Variants in ZC3H12B observed in about 807,000 individuals in gnomAD.
ZC3H12B encodes the protein zinc finger CCCH-type containing 12B.
A neutral mutation model predicts 43.9 loss-of-function variants in ZC3H12B; 7 were observed. That is an observed-to-expected ratio of 0.16 (90% CI 0.09 to 0.30). ZC3H12B has a LOEUF of 0.30. ZC3H12B is among the 10% of genes least tolerant of loss of function. The pLI, the probability that ZC3H12B is intolerant of heterozygous loss-of-function variation, is 1.00. For synonymous variants in ZC3H12B, 222 were observed against 241.7 expected (o/e 0.92, Z 0.76); for missense variants, 475 against 670.2 (o/e 0.71, Z 3.22).
At chrX:65,368,500 T>C (rs1287783031) in intron 1 of ZC3H12B, among the ~76,000 whole-genome samples, 1 of 112,004 alleles carries the variant, frequency 8.9e-6, no homozygotes, top group Admixed American at 9.5e-5. Flanking sequence ...AATGGTATTA[T>C]TTATAATTTA....
At chrX:65,203,373 A>G in the ZC3H12B span, among the ~76,000 whole-genome samples, 29 of 111,450 alleles carry the variant, frequency 2.6e-4, no homozygotes, top group Non-Finnish European at 4.3e-4. Context: ...AGTTACAGCC[A>G]AGGCCCATGC....
At chrX:65,058,587 C>A in the ZC3H12B span, among the ~76,000 whole-genome samples, 1 of 112,012 alleles carries the variant, frequency 8.9e-6, no homozygotes, top group African/African-American at 3.3e-5. Context: ...GGGAGAACCA[C>A]TACTGTCTTC....
At chrX:65,383,599 A>G (rs1478802052) in intron 2 of ZC3H12B, among the ~76,000 whole-genome samples, 1 of 111,534 alleles carries the variant, frequency 9.0e-6, no homozygotes, top group Non-Finnish European at 1.9e-5. Flanking sequence ...CAAAATTGAC[A>G]AATGGGATCT....
chrX:65,259,377 T>C, the ZC3H12B span, among the ~76,000 whole-genome samples: 1 of 112,244 alleles, frequency 8.9e-6, no homozygotes, highest in South Asian at 3.7e-4. Context: ...AGATTGAAAC[T>C]AGATTTCCTC....
At chrX:65,397,543 A>C (rs7061298) in intron 2 of ZC3H12B, among the ~76,000 whole-genome samples, 272 of 111,828 alleles carry the variant, frequency 2.4e-3, no homozygotes, top group African/African-American at 8.7e-3. Flanking sequence ...TCTGGCTTGT[A>C]GGGTTTCTGC....
the ZC3H12B span, among the ~76,000 whole-genome samples, chrX:65,268,475 C>T: frequency 8.9e-6 from 1 of 111,827 alleles, no homozygotes; most frequent in Non-Finnish European, 1.9e-5. Context: ...AAACTGCAAG[C>T]CAATATATTT....
the ZC3H12B span, among the ~76,000 whole-genome samples, chrX:65,141,824 G>A: frequency 9.0e-6 from 1 of 111,437 alleles, no homozygotes; most frequent in African/African-American, 3.3e-5. Flanking sequence ...TCTCATCCAG[G>A]TCGCTGTGAA....
chrX:65,259,634 A>G, the ZC3H12B span, among the ~76,000 whole-genome samples: 1 of 112,360 alleles, frequency 8.9e-6, no homozygotes, highest in Non-Finnish European at 1.9e-5. Flanking sequence ...AATGTAAAAT[A>G]GTATAACCAT....
chrX:65,450,290 C>T (rs1262208912), intron 3 of ZC3H12B, among the ~76,000 whole-genome samples: 3 of 86,075 alleles, frequency 3.5e-5, no homozygotes, highest in Non-Finnish European at 4.4e-5. Flanking sequence ...GGCGACAGAG[C>T]AAGACTTCAT....
chrX:65,336,900 G>A, the ZC3H12B span, among the ~76,000 whole-genome samples: 6 of 112,161 alleles, frequency 5.3e-5, no homozygotes, highest in Non-Finnish European at 9.4e-5. Flanking sequence ...AGCAAAGACT[G>A]CAAGGCAAAT....
the ZC3H12B span, among the ~76,000 whole-genome samples, chrX:65,079,893 T>C: frequency 9.0e-6 from 1 of 111,182 alleles, no homozygotes; most frequent in East Asian, 2.8e-4. Context: ...CACCAGGGGC[T>C]AATCCCAATA....
chrX:65,116,781 G>A, the ZC3H12B span, among the ~76,000 whole-genome samples: 5 of 109,607 alleles, frequency 4.6e-5, no homozygotes, highest in African/African-American at 1.3e-4. Context: ...TGTTCTCATT[G>A]TTCAATTCCA....
the ZC3H12B span, among the ~76,000 whole-genome samples, chrX:65,348,649 A>T: frequency 1.7e-4 from 18 of 108,842 alleles, no homozygotes; most frequent in Non-Finnish European, 3.2e-4. Flanking sequence ...TAGGCTCAAA[A>T]TAAAGGGATG....
chrX:65,098,732 A>C, the ZC3H12B span, among the ~76,000 whole-genome samples: 10 of 110,896 alleles, frequency 9.0e-5, no homozygotes, highest in East Asian at 2.8e-4. Flanking sequence ...AGTTTTTGCA[A>C]TCCGCAGACC....
chrX:65,115,186 C>T, the ZC3H12B span, among the ~76,000 whole-genome samples: 1 of 107,987 alleles, frequency 9.3e-6, no homozygotes, highest in African/African-American at 3.4e-5. Flanking sequence ...AATGTGTAGA[C>T]TTTTATCCCT....
At chrX:65,056,079 CTG>C in the ZC3H12B span, among the ~76,000 whole-genome samples, 1 of 111,938 alleles carries the variant, frequency 8.9e-6, no homozygotes, top group Non-Finnish European at 1.9e-5. Flanking sequence ...TTTTCTGTGT[CTG>C]TATCTCCTAC....
upstream of ZC3H12B, among the ~76,000 whole-genome samples, chrX:65,484,835 G>T (rs184609526): frequency 8.9e-6 from 1 of 112,376 alleles, no homozygotes; most frequent in Non-Finnish European, 1.9e-5. Flanking sequence ...CAAGTTTTTA[G>T]TAGAACCTGA....
At chrX:65,223,035 G>A in the ZC3H12B span, among the ~76,000 whole-genome samples, 1 of 111,716 alleles carries the variant, frequency 9.0e-6, no homozygotes, top group Non-Finnish European at 1.9e-5. Context: ...TATAAAAATA[G>A]GCACATAGAC....
chrX:65,379,952 C>A (rs2066412169), intron 2 of ZC3H12B, among the ~76,000 whole-genome samples: 1 of 111,814 alleles, frequency 8.9e-6, no homozygotes, highest in Non-Finnish European at 1.9e-5. Flanking sequence ...AAATATGGGA[C>A]TATGTGAAAA....
Sources: gnomAD v4.1 joint callset for allele counts (sites outside exome capture counted in the v4.1 genomes callset) on GRCh38, gnomAD v4.1.1 for gene constraint, MANE v1.5 for transcripts, NCBI Gene and HGNC (gene_info 2026-07-23, HGNC 2026-07-21) for gene names.